Variants in PARP1 observed in about 807,000 individuals in gnomAD.
PARP1 encodes the protein poly [ADP-ribose] polymerase 1.
Under a neutral mutation model 118.7 loss-of-function variants are expected in PARP1, and 44 were observed. The ratio of observed to expected loss-of-function variants is 0.37; its 90% CI spans 0.29 to 0.48. The LOEUF (loss-of-function observed/expected upper bound fraction) is 0.48. Among genes scored for constraint, PARP1 ranks in the 20% least tolerant of loss-of-function variants. PARP1 has a pLI of 0.99. For missense variants in PARP1, 1,100 were observed against 1,272.4 expected (o/e 0.86, Z 2.06); for synonymous variants, 492 against 483.2 (o/e 1.02, Z -0.24).
intron 13 of PARP1, among the ~76,000 whole-genome samples, chr1:226,376,419 A>G (rs555207766): frequency 6.6e-6 from 1 of 152,364 alleles, no homozygotes; most frequent in East Asian, 1.9e-4. Flanking sequence ...TGGGACTAAT[A>G]AAGTGTGACC....
intron 16 of PARP1, 117 bp from the exon 17 acceptor site, chr1:226,367,725 T>G: frequency 8.4e-7 from 1 of 1,191,578 alleles, no homozygotes. Context: ...TGGCAAACCC[T>G]CCTGCTGGTC....
At chr1:226,362,110 T>G in intron 21 of PARP1, 27 bp from the exon 22 acceptor site, 1 of 1,311,498 alleles carries the variant, frequency 7.6e-7, no homozygotes, top group African/African-American at 1.4e-5. Flanking sequence ...ACAAGTGACA[T>G]GAACTGTGAG....
intron 4 of PARP1, among the ~76,000 whole-genome samples, chr1:226,388,983 A>C (rs1576399322): frequency 6.6e-6 from 1 of 150,546 alleles, no homozygotes; most frequent in African/African-American, 2.5e-5. Flanking sequence ...TTCAGAACAT[A>C]CTCTCCCAGC....
At position 226,363,382 on chromosome 1, in the gene PARP1, G is replaced by A. The variant is rs56304031; in HGVS notation, c.2787-222C>T. Reference sequence around the variant, plus strand: ...TTTGTGCCCAGCGATCACTGCTATGGGGCCATTTTCAAGGCAAGGCCCTAT... The same window carrying A: ...TTTGTGCCCAGCGATCACTGCTATGAGGCCATTTTCAAGGCAAGGCCCTAT... On this transcript the variant is annotated intron_variant, in intron 20 of 22. Transcript: ENST00000366794. 5.1e-3 allele frequency among the ~76,000 whole-genome samples: 782 copies of A among 152,246 alleles called. 4 individuals are homozygous for A. The highest frequency in any genetic ancestry group is 7.9e-3 in the Non-Finnish European group (538 of 68,022).
intron 15 of PARP1, among the ~76,000 whole-genome samples, chr1:226,369,008 C>A (rs1396928149): frequency 2.0e-5 from 3 of 152,230 alleles, no homozygotes; most frequent in Non-Finnish European, 4.4e-5. Context: ...AAGCCCCACG[C>A]CTGCTTCTCG....
intron 13 of PARP1, among the ~76,000 whole-genome samples, chr1:226,374,584 C>T (rs1306792880): frequency 6.6e-6 from 1 of 152,186 alleles, no homozygotes; most frequent in African/African-American, 2.4e-5. Context: ...TTGGCTGCTC[C>T]AGATTCTTAT....
chr1:226,373,016 G>C lies in PARP1; in HGVS notation c.2070+1210C>G, dbSNP rs112685249. The stretch of plus-strand genomic sequence containing the variant: ...CTGGCCATTTTTTAAACCCGTTAGA[G>C]GATGTAACTCAACACTCCACTCTAC... On this transcript the variant is annotated intron_variant, in intron 14 of 22. Transcript: ENST00000366794. Among the ~76,000 whole-genome samples, 905 of 152,344 alleles carry C rather than the reference G, an allele frequency of 5.9e-3. 15 individuals are homozygous for C. The highest frequency in any genetic ancestry group is 0.021 in the African/African-American group (864 of 41,582).
At position 226,367,585 on chromosome 1, in the gene PARP1, G is replaced by A. The variant is rs768386505; in HGVS notation, c.2301C>T (p.Asn767=). 3 of 1,614,172 alleles carry A rather than the reference G, an allele frequency of 1.9e-6. No homozygotes were observed. The highest frequency in any genetic ancestry group is 1.1e-5 in the South Asian group (1 of 91,082). Residue 767 remains asparagine (N), a synonymous_variant, in exon 17 of 23, where the codon AAC becomes AAT. Transcript: ENST00000366794. ...SVQAKVEMLD[N]LLDIEVAYSL... ...TGTAGGCCACCTCGATGTCCAGCAG[G>A]TTGTCAAGCATTTCCACCTTGGCCT...
At chr1:226,383,601 G>T (rs912998615) in intron 7 of PARP1, among the ~76,000 whole-genome samples, 2 of 152,058 alleles carry the variant, frequency 1.3e-5, no homozygotes, top group African/African-American at 4.8e-5. Flanking sequence ...CCAAGACCCC[G>T]AATACTATAT....
Position 226,361,496 on chromosome 1 carries a change from C to T in PARP1, c.3009G>A (p.Leu1003=), listed in dbSNP as rs1053823160. Residue 1003 remains leucine (L), a synonymous_variant, in exon 23 of 23, where the codon CTG becomes CTA. Transcript: ENST00000366794. ...DIAQVNLKYL[L]KLKFNFKTSL... ...AGGTCTTAAAATTGAATTTCAGTTT[C>T]AGCAGATACTTCAGATTTACCTGAG... 2 of 1,613,256 alleles carry T rather than the reference C, an allele frequency of 1.2e-6. No individual in the cohort carries two copies. The highest frequency in any genetic ancestry group is 1.6e-4 in the Middle Eastern group (1 of 6,082).
rs2102747142 is a variant in PARP1 at position 226,402,262 on chromosome 1, C to A, written c.238G>T (p.Asp80Tyr). The A allele has an allele frequency of 6.2e-7, 1 of 1,614,172 alleles. No homozygotes were observed. Among genetic ancestry groups the A allele is most frequent in the Non-Finnish European group, 8.5e-7 (1 of 1,180,048 alleles). Residue 80 changes from aspartate (D) to tyrosine (Y), a missense_variant, in exon 2 of 23, where the codon GAT becomes TAT. This residue lies in a region of PARP1 where 948 missense variants were observed against 1,031.8 expected (regional missense o/e 0.92). Coordinates refer to ENST00000366794, the MANE Select transcript of PARP1 (RefSeq NM_001618.4). ...EVDGFSELRW[D>Y]DQQKVKKTAE... ...GTCTTCTTGACTTTCTGCTGGTCAT[C>A]CCACCGAAGCTCAGAGAACCCATCC...
chr1:226,377,421 T>C (rs1367253699), intron 12 of PARP1, 118 bp from the exon 13 acceptor site: 12 of 772,324 alleles, frequency 1.6e-5, no homozygotes, highest in Non-Finnish European at 2.6e-5. Context: ...CCCAAAAGGA[T>C]GGTGATTAAC....
Position 226,392,332 on chromosome 1 carries a change from C to T in PARP1, c.287-18G>A. ...GCCTTTGCCTGGAGAATCAAACAGA[C>T]AGCAATGCTCATCTCAACAGCCCCA... is the stretch of plus-strand genomic sequence containing the variant. On this transcript the variant is annotated intron_variant, in intron 2 of 22. Coordinates refer to ENST00000366794, the MANE Select transcript of PARP1 (RefSeq NM_001618.4). The T allele has an allele frequency of 1.9e-6, 3 of 1,562,784 alleles. No homozygotes were observed. The highest frequency in any genetic ancestry group is 2.2e-5 in the South Asian group (2 of 90,012).
Position 226,365,086 on chromosome 1 carries a change from T to A in PARP1, c.2574A>T (p.Arg858Ser). 6.2e-7 allele frequency: 1 copy of A among 1,614,220 alleles called. No individual in the cohort carries two copies. Among genetic ancestry groups the A allele is most frequent in the Non-Finnish European group, 8.5e-7 (1 of 1,180,042 alleles). ...TGGTCCTGGACCCGTGCCACAGCAA[T>A]CTTCGGTTATGAAGCTGCTTAAAGG... ...YKPFKQLHNR[R>S]LLWHGSRTTN... Residue 858 changes from arginine (R) to serine (S), a missense_variant, in exon 19 of 23, where the codon AGA becomes AGT. Arg to Ser is a moderately radical substitution (Grantham distance 110, BLOSUM62 -1). This residue lies in a region of PARP1 where 152 missense variants were observed against 240.6 expected (regional missense o/e 0.63). Transcript: ENST00000366794.
intron 16 of PARP1, 116 bp downstream of exon 16, chr1:226,368,083 G>C: frequency 2.1e-6 from 3 of 1,406,676 alleles, no homozygotes; most frequent in Non-Finnish European, 2.0e-6. Flanking sequence ...AAGGGCAAGA[G>C]GGTGGCCCTC....
At chr1:226,366,324 A>T in intron 17 of PARP1, 1 of 418,426 alleles carries the variant, frequency 2.4e-6, no homozygotes, top group South Asian at 2.2e-5. Context: ...GATATCAGGG[A>T]AGCTAGAATG....
chr1:226,374,001 A>C (rs1017570608), intron 14 of PARP1, among the ~76,000 whole-genome samples: 2 of 152,146 alleles, frequency 1.3e-5, no homozygotes, highest in African/African-American at 2.4e-5. Context: ...AACTCTCTCC[A>C]ACACAACACA....
chr1:226,366,393 G>C (rs1664265341), intron 17 of PARP1: 1 of 348,288 alleles, frequency 2.9e-6, no homozygotes, highest in Non-Finnish European at 5.6e-6. Context: ...TCCTGGAAGA[G>C]AGTCCAGCTC....
At chr1:226,383,633 C>T (rs189573928) in intron 7 of PARP1, among the ~76,000 whole-genome samples, 3 of 152,276 alleles carry the variant, frequency 2.0e-5, no homozygotes, top group African/African-American at 7.2e-5. Context: ...GATTATTACC[C>T]AAAAGGAAAT....
Sources: gnomAD v4.1 joint callset for allele counts (sites outside exome capture counted in the v4.1 genomes callset) on GRCh38, gnomAD v4.1.1 for gene constraint, gnomAD v4.1.1 regional missense constraint, MANE v1.5 for transcripts, NCBI Gene and HGNC (gene_info 2026-07-23, HGNC 2026-07-21) for gene names.